The following VSNL1 variants were observed in gnomAD, a reference collection of about 807,000 sequenced individuals.
VSNL1 encodes the protein visinin like 1.
A neutral mutation model predicts 20.4 loss-of-function variants in VSNL1; 6 were observed. The observed-to-expected ratio is 0.29, with a 90% CI of 0.16 to 0.58. The LOEUF (loss-of-function observed/expected upper bound fraction) is 0.58. Among genes scored for constraint, VSNL1 ranks in the 20% least tolerant of loss-of-function variants. VSNL1 has a pLI of 0.90. For missense variants in VSNL1, 100 were observed against 234.5 expected (o/e 0.43, Z 3.75); for synonymous variants, 93 against 86.4 (o/e 1.08, Z -0.42).
At chr2:17,621,927 C>T (rs1665369760) in intron 2 of VSNL1, among the ~76,000 whole-genome samples, 1 of 152,154 alleles carries the variant, frequency 6.6e-6, no homozygotes, top group African/African-American at 2.4e-5. Context: ...CCGCACCCAG[C>T]CAAAACTAAC....
chr2:17,555,769 G>T (rs140189058), intron 1 of VSNL1, among the ~76,000 whole-genome samples: 1 of 152,208 alleles, frequency 6.6e-6, no homozygotes, highest in African/African-American at 2.4e-5. Context: ...AATTTCATTT[G>T]CTTAGTTTGT....
chr2:17,592,728 C>T (rs1038718677), intron 2 of VSNL1, among the ~76,000 whole-genome samples: 5 of 123,080 alleles, frequency 4.1e-5, no homozygotes, highest in African/African-American at 1.6e-4. Context: ...ATTCCCACAA[C>T]AGAACATTTA....
chr2:17,636,895 T>C (rs78036597), intron 2 of VSNL1, among the ~76,000 whole-genome samples: 7,430 of 152,304 alleles, frequency 0.049, 205 homozygotes, highest in Middle Eastern at 0.099. Context: ...GGCCTCTCTT[T>C]ATGACAGAAT....
At chr2:17,638,013 T>A (rs781070128) in intron 2 of VSNL1, among the ~76,000 whole-genome samples, 1 of 152,210 alleles carries the variant, frequency 6.6e-6, no homozygotes, top group African/African-American at 2.4e-5. Context: ...TGGCCCCACG[T>A]GCTCAGTTTC....
chr2:17,593,629 AG>A (rs1271825244), intron 2 of VSNL1, among the ~76,000 whole-genome samples: 1 of 152,330 alleles, frequency 6.6e-6, no homozygotes, highest in Non-Finnish European at 1.5e-5. Flanking sequence ...CATCATTAAA[AG>A]CTCACTAATC....
intron 2 of VSNL1, among the ~76,000 whole-genome samples, chr2:17,627,607 G>A (rs1005940565): frequency 7.2e-5 from 11 of 152,190 alleles, no homozygotes; most frequent in African/African-American, 2.7e-4. Flanking sequence ...TGAAGCCGTT[G>A]TCTTGTGCTG....
chr2:17,620,774 A>G (rs1453510358), intron 2 of VSNL1, among the ~76,000 whole-genome samples: 1 of 152,254 alleles, frequency 6.6e-6, no homozygotes, highest in Admixed American at 6.5e-5. Flanking sequence ...AGTACAAAAA[A>G]AAATTGCAAA....
intron 2 of VSNL1, among the ~76,000 whole-genome samples, chr2:17,630,808 G>C (rs1357728633): frequency 6.6e-6 from 1 of 152,006 alleles, no homozygotes; most frequent in Non-Finnish European, 1.5e-5. Context: ...TCAAGACAGA[G>C]CCTTGCTCTG....
At chr2:17,571,303 A>G (rs1174332877) in intron 1 of VSNL1, among the ~76,000 whole-genome samples, 1 of 152,156 alleles carries the variant, frequency 6.6e-6, no homozygotes, top group Non-Finnish European at 1.5e-5. Flanking sequence ...AATTTTTTAA[A>G]CAACATTGTA....
At chr2:17,630,809 C>G (rs1435294746) in intron 2 of VSNL1, among the ~76,000 whole-genome samples, 3 of 152,048 alleles carry the variant, frequency 2.0e-5, no homozygotes, top group South Asian at 2.1e-4. Flanking sequence ...CAAGACAGAG[C>G]CTTGCTCTGT....
intron 1 of VSNL1, among the ~76,000 whole-genome samples, chr2:17,567,203 G>A (rs1024760548): frequency 6.6e-6 from 1 of 151,928 alleles, no homozygotes; most frequent in African/African-American, 2.4e-5. Context: ...AGATGATTTG[G>A]TTTCCAGGTA....
chr2:17,546,455 C>T (rs879794269), intron 1 of VSNL1, among the ~76,000 whole-genome samples: 2 of 151,330 alleles, frequency 1.3e-5, no homozygotes, highest in Admixed American at 1.3e-4. Context: ...TACTTTGAAA[C>T]CTGGGTGAAT....
intron 2 of VSNL1, among the ~76,000 whole-genome samples, chr2:17,623,669 C>CAAA (rs5829599): frequency 1.1e-4 from 8 of 70,346 alleles, no homozygotes; most frequent in Admixed American, 1.7e-4. Context: ...GACTCCATCT[C>CAAA]AAAAAAAAAA....
At chr2:17,605,825 C>T (rs1416794051) in intron 2 of VSNL1, among the ~76,000 whole-genome samples, 2 of 152,164 alleles carry the variant, frequency 1.3e-5, no homozygotes, top group Admixed American at 6.5e-5. Flanking sequence ...TTGGCTTTAC[C>T]ACATAAAACA....
intron 1 of VSNL1, among the ~76,000 whole-genome samples, chr2:17,560,591 C>T (rs1663791203): frequency 6.6e-6 from 1 of 152,092 alleles, no homozygotes; most frequent in African/African-American, 2.4e-5. Context: ...GAATCTGAAC[C>T]CCTATCTCAC....
intron 1 of VSNL1, among the ~76,000 whole-genome samples, chr2:17,551,600 T>C (rs1663537834): frequency 6.6e-6 from 1 of 152,120 alleles, no homozygotes. Flanking sequence ...TTGGCCAGAA[T>C]TGCTGGTATG....
At chr2:17,552,589 T>C (rs1465599034) in intron 1 of VSNL1, among the ~76,000 whole-genome samples, 1 of 152,214 alleles carries the variant, frequency 6.6e-6, no homozygotes, top group African/African-American at 2.4e-5. Flanking sequence ...TTCCTCTCTC[T>C]AATGGGTTAA....
At chr2:17,625,862 T>TTTTC (rs1272340649) in intron 2 of VSNL1, among the ~76,000 whole-genome samples, 4 of 150,004 alleles carry the variant, frequency 2.7e-5, no homozygotes, top group African/African-American at 9.8e-5. Flanking sequence ...TTTTTTTTTT[T>TTTTC]TGAGATCTCA....
intron 1 of VSNL1, among the ~76,000 whole-genome samples, chr2:17,576,013 C>A (rs983157504): frequency 6.6e-6 from 1 of 151,898 alleles, no homozygotes; most frequent in South Asian, 2.1e-4. Flanking sequence ...TTATTTGTCC[C>A]TCTCATTGGG....
Sources: gnomAD v4.1 joint callset for allele counts (sites outside exome capture counted in the v4.1 genomes callset) on GRCh38, gnomAD v4.1.1 for gene constraint, MANE v1.5 for transcripts, NCBI Gene and HGNC (gene_info 2026-07-23, HGNC 2026-07-21) for gene names.